Variants in SULF2 observed in about 807,000 individuals in gnomAD.
SULF2 encodes the protein extracellular sulfatase Sulf-2.
A neutral mutation model predicts 107.7 loss-of-function variants in SULF2; 52 were observed. The observed-to-expected ratio is 0.48, with a 90% CI of 0.39 to 0.61. SULF2 has a LOEUF of 0.61. Among genes scored for constraint, SULF2 ranks in the 20% least tolerant of loss-of-function variants. The pLI is 0.00. For synonymous variants in SULF2, 460 were observed against 464.3 expected (o/e 0.99, Z 0.12); for missense variants, 993 against 1,177.3 (o/e 0.84, Z 2.29).
chr20:47,689,598 G>A (rs940305247), intron 5 of SULF2: 2 of 152,252 alleles, frequency 1.3e-5, no homozygotes, highest in African/African-American at 4.8e-5. Context: ...GACACCGTGA[G>A]ATAATTTGTG....
rs2090628352 is a variant in SULF2 at position 47,771,450 on chromosome 20, A to T, written c.-101+13893T>A. Among the ~76,000 whole-genome samples the T allele has an allele frequency of 2.0e-5, 3 of 152,088 alleles. No homozygotes were observed. The South Asian group carries it at 6.2e-4, about 32-fold the overall frequency. On this transcript the variant is annotated intron_variant, in intron 1 of 20. Transcript: ENST00000688720. ...TTTTAACCACTCCCAGCTTATTTTT[A>T]AGTAGAAAGGAAGCCACCTAACAAA...
chr20:47,685,211 A>C (rs962842122), intron 5 of SULF2: 2 of 152,260 alleles, frequency 1.3e-5, no homozygotes, highest in Non-Finnish European at 2.9e-5. Context: ...CTGAATGTGC[A>C]CATTTGGGAC....
intron 1 of SULF2, among the ~76,000 whole-genome samples, chr20:47,763,460 C>T (rs777949682): frequency 6.6e-6 from 1 of 152,122 alleles, no homozygotes; most frequent in Non-Finnish European, 1.5e-5. Flanking sequence ...TCTCCAAATC[C>T]AACAAGAGGA....
In SULF2 at chr20:47,659,395, TCA is replaced by T. The variant is rs780272767; in HGVS notation, c.2582+2_2582+3del. The stretch of plus-strand genomic sequence containing the variant: ...TCTATTTGTAAGCTGGTTCCTCAAC[TCA>T]CAGTGATTTGGAAGAAGGTCTCTTC... On this transcript the variant is annotated splice_donor_variant and splice_donor_region_variant and intron_variant, in intron 20 of 20. Transcript: ENST00000688720. LOFTEE classifies it high-confidence loss of function. 1.2e-6 allele frequency: 2 copies of T among 1,614,000 alleles called. No homozygotes were observed. Among genetic ancestry groups the T allele is most frequent in the East Asian group, 2.2e-5 (1 of 44,886 alleles).
intron 4 of SULF2, among the ~76,000 whole-genome samples, chr20:47,700,243 C>T (rs2088516697): frequency 6.6e-6 from 1 of 152,186 alleles, no homozygotes; most frequent in Non-Finnish European, 1.5e-5. Context: ...AGGTCGACTG[C>T]CTGTTTTTGT....
chr20:47,723,430 A>G (rs1741955686), intron 3 of SULF2, among the ~76,000 whole-genome samples: 1 of 152,172 alleles, frequency 6.6e-6, no homozygotes, highest in South Asian at 2.1e-4. Context: ...TGTGTGAACA[A>G]CGCTCTAGAC....
chr20:47,773,110 C>T (rs2090662599), intron 1 of SULF2, among the ~76,000 whole-genome samples: 1 of 152,156 alleles, frequency 6.6e-6, no homozygotes, highest in Non-Finnish European at 1.5e-5. Flanking sequence ...GGAGCTTGGC[C>T]TGGGAGCTAT....
intron 1 of SULF2, among the ~76,000 whole-genome samples, chr20:47,760,927 T>C (rs773237542): frequency 6.6e-6 from 1 of 152,138 alleles, no homozygotes; most frequent in African/African-American, 2.4e-5. Context: ...TGCCACGTGG[T>C]GTGATGGTTA....
chr20:47,758,183 T>TCC (rs1178015895), intron 1 of SULF2, among the ~76,000 whole-genome samples: 7 of 144,026 alleles, frequency 4.9e-5, no homozygotes, highest in African/African-American at 1.9e-4. Context: ...TTTTTTTTTT[T>TCC]CCCAGACAGA....
At chr20:47,698,634 G>C (rs925850147) in intron 4 of SULF2, among the ~76,000 whole-genome samples, 1 of 152,134 alleles carries the variant, frequency 6.6e-6, no homozygotes, top group Admixed American at 6.6e-5. Flanking sequence ...CCCTATAGCT[G>C]GTTTTCAGTT....
intron 3 of SULF2, among the ~76,000 whole-genome samples, chr20:47,712,705 G>C (rs369159069): frequency 6.6e-6 from 1 of 152,156 alleles, no homozygotes; most frequent in Non-Finnish European, 1.5e-5. Flanking sequence ...CCTCGCCCAG[G>C]AGTGCAGGAG....
At chr20:47,682,961 C>CTCAT in intron 7 of SULF2, 33 bp downstream of exon 7, 2 of 1,551,568 alleles carry the variant, frequency 1.3e-6, no homozygotes, top group Middle Eastern at 3.5e-4. Flanking sequence ...GGCCCAGGGG[C>CTCAT]CTCCCTGGGT....
At chr20:47,668,639 C>T (rs2087357773) in intron 11 of SULF2, among the ~76,000 whole-genome samples, 1 of 152,252 alleles carries the variant, frequency 6.6e-6, no homozygotes, top group African/African-American at 2.4e-5. Flanking sequence ...CCTACAAAGG[C>T]TCCTTGGAGG....
At chr20:47,713,322 G>C (rs987343650) in intron 3 of SULF2, among the ~76,000 whole-genome samples, 1 of 151,824 alleles carries the variant, frequency 6.6e-6, no homozygotes, top group Admixed American at 6.6e-5. Context: ...CCATCTTCCA[G>C]TGCATGGGAT....
intron 1 of SULF2, among the ~76,000 whole-genome samples, chr20:47,781,736 A>C (rs2090836928): frequency 6.6e-6 from 1 of 152,044 alleles, no homozygotes; most frequent in South Asian, 2.1e-4. Context: ...TATGATCATC[A>C]TCATTTGTTG....
At chr20:47,782,664 T>C (rs1426482126) in intron 1 of SULF2, among the ~76,000 whole-genome samples, 1 of 152,178 alleles carries the variant, frequency 6.6e-6, no homozygotes, top group Non-Finnish European at 1.5e-5. Context: ...ATCTTCACCA[T>C]GGTTCACCTG....
intron 1 of SULF2, among the ~76,000 whole-genome samples, chr20:47,781,569 G>A (rs1483017345): frequency 3.9e-5 from 6 of 152,174 alleles, no homozygotes; most frequent in Admixed American, 3.9e-4. Flanking sequence ...GCTTAAACCA[G>A]AGGGGATGAG....
At chr20:47,688,215 C>T (rs2088079510) in intron 5 of SULF2, among the ~76,000 whole-genome samples, 1 of 152,132 alleles carries the variant, frequency 6.6e-6, no homozygotes, top group African/African-American at 2.4e-5. Context: ...CCGGCTCTGT[C>T]CCCTCTCCAC....
intron 3 of SULF2, among the ~76,000 whole-genome samples, chr20:47,731,839 C>T (rs2089620906): frequency 6.6e-6 from 1 of 152,202 alleles, no homozygotes; most frequent in African/African-American, 2.4e-5. Context: ...ACATTTGGTG[C>T]GATGGGACCT....
Sources: gnomAD v4.1 joint callset for allele counts (sites outside exome capture counted in the v4.1 genomes callset) on GRCh38, gnomAD v4.1.1 for gene constraint, MANE v1.5 for transcripts, NCBI Gene and HGNC (gene_info 2026-07-23, HGNC 2026-07-21) for gene names.